The following CAMTA1 variants were observed in gnomAD, a reference collection of about 807,000 sequenced individuals.
CAMTA1 encodes the protein calmodulin binding transcription activator 1.
Under a neutral mutation model 170.9 loss-of-function variants are expected in CAMTA1, and 27 were observed. The ratio of observed to expected loss-of-function variants is 0.16; its 90% CI spans 0.12 to 0.22. CAMTA1 has a LOEUF of 0.22. CAMTA1 is among the 10% of genes least tolerant of loss of function. The pLI, the probability that CAMTA1 is intolerant of heterozygous loss-of-function variation, is 1.00. For synonymous variants in CAMTA1, 833 were observed against 891.5 expected (o/e 0.93, Z 1.17); for missense variants, 1,619 against 2,217.2 (o/e 0.73, Z 5.42).
In CAMTA1 at chr1:7,124,601, A is replaced by T. The variant is rs578255363; in HGVS notation, c.302+33230A>T. ...GGACTGATGTGCTGATCAATACTTT[A>T]TATTCCAGATGGGGGATGCCCAATG... is the stretch of plus-strand genomic sequence containing the variant. On this transcript the variant is annotated intron_variant, in intron 4 of 22. Coordinates refer to ENST00000303635, the MANE Select transcript of CAMTA1 (RefSeq NM_015215.4). 9.2e-5 allele frequency among the ~76,000 whole-genome samples: 14 copies of T among 152,318 alleles called. No homozygotes were observed. In the South Asian group the frequency reaches 2.9e-3, roughly 32 times the overall value.
At chr1:7,450,064 C>T (rs137897333) in intron 5 of CAMTA1, among the ~76,000 whole-genome samples, 1 of 152,254 alleles carries the variant, frequency 6.6e-6, no homozygotes, top group East Asian at 1.9e-4. Context: ...TGAAGCCCCA[C>T]CAGCCAGCCC....
chr1:7,210,630 T>C (rs1658586680), intron 4 of CAMTA1, among the ~76,000 whole-genome samples: 1 of 152,242 alleles, frequency 6.6e-6, no homozygotes. Context: ...TAGCATCCAT[T>C]GATAATTCTT....
intron 1 of CAMTA1, among the ~76,000 whole-genome samples, chr1:6,812,793 C>G (rs1206248480): frequency 6.6e-6 from 1 of 152,188 alleles, no homozygotes; most frequent in Non-Finnish European, 1.5e-5. Flanking sequence ...TCTGATTTCT[C>G]AGGCCATAAA....
chr1:6,916,236 C>A (rs1680756519), intron 3 of CAMTA1, among the ~76,000 whole-genome samples: 1 of 152,118 alleles, frequency 6.6e-6, no homozygotes, highest in African/African-American at 2.4e-5. Flanking sequence ...TCAGCTCCAC[C>A]ACCTGTCAGC....
chr1:7,605,676 G>A (rs1263033209), intron 6 of CAMTA1, among the ~76,000 whole-genome samples: 1 of 152,196 alleles, frequency 6.6e-6, no homozygotes, highest in African/African-American at 2.4e-5. Flanking sequence ...TGCTTGGTGT[G>A]CTGCGCCCAC....
Position 7,665,225 on chromosome 1 carries a change from T to G in CAMTA1, c.2652+26T>G. 7.0e-7 allele frequency: 1 copy of G among 1,428,090 alleles called. No individual in the cohort carries two copies. Among genetic ancestry groups the G allele is most frequent in the East Asian group, 2.5e-5 (1 of 40,364 alleles). The allele number at this position is 1,428,090 out of a possible 1,614,324, so 88.5% of individuals were successfully genotyped here. ...GTAAGCTGCCGCCGCTGCCACCACC[T>G]GTCACCTCCCCTCCCACCCACCTCG... is the stretch of plus-strand genomic sequence containing the variant. On this transcript the variant is annotated intron_variant, in intron 9 of 22. Coordinates refer to ENST00000303635, the MANE Select transcript of CAMTA1 (RefSeq NM_015215.4). The surrounding 1 kb of genome is among the most constrained non-coding windows in gnomAD (Gnocchi z 4.3).
intron 5 of CAMTA1, among the ~76,000 whole-genome samples, chr1:7,354,519 A>G (rs1027297001): frequency 1.3e-5 from 2 of 152,208 alleles, no homozygotes; most frequent in African/African-American, 4.8e-5. Flanking sequence ...GCTATTTTGC[A>G]TAATGCTGCA....
chr1:6,916,613 C>T (rs1302498449), intron 3 of CAMTA1, among the ~76,000 whole-genome samples: 2 of 152,138 alleles, frequency 1.3e-5, no homozygotes, highest in Non-Finnish European at 2.9e-5. Context: ...TTTCTTCTCT[C>T]CTACTTTCTC....
In CAMTA1 at chr1:6,970,944, A is replaced by C. The variant is rs1692417260; in HGVS notation, c.235-120360A>C. On this transcript the variant is annotated intron_variant, in intron 3 of 22. Coordinates refer to ENST00000303635, the MANE Select transcript of CAMTA1 (RefSeq NM_015215.4). The surrounding 1 kb of genome is among the most constrained non-coding windows in gnomAD (Gnocchi z 4.4). ...CTGTTTCCAGCCTCTCCTTTCCTAA[A>C]CCAGGCCGGCCCTGTCAGCCTGGCT... 6.6e-6 allele frequency among the ~76,000 whole-genome samples: 1 copy of C among 151,984 alleles called. No individual in the cohort carries two copies. The highest frequency in any genetic ancestry group is 6.6e-5 in the Admixed American group (1 of 15,266).
intron 6 of CAMTA1, among the ~76,000 whole-genome samples, chr1:7,502,899 C>T (rs972043503): frequency 2.6e-5 from 4 of 152,216 alleles, no homozygotes; most frequent in African/African-American, 9.6e-5. Flanking sequence ...CCCTGTGGCC[C>T]CTGCCCCGCA....
At chr1:7,342,624 T>C (rs1367229271) in intron 5 of CAMTA1, among the ~76,000 whole-genome samples, 4 of 152,050 alleles carry the variant, frequency 2.6e-5, no homozygotes, top group Non-Finnish European at 5.9e-5. Context: ...TCCTAGAACA[T>C]AGGGCTGGAG....
At position 7,094,631 on chromosome 1, in the gene CAMTA1, G is replaced by A. The variant is rs540544355; in HGVS notation, c.302+3260G>A. Among the ~76,000 whole-genome samples, 77 of 152,224 alleles carry A rather than the reference G, an allele frequency of 5.1e-4. 1 individual carries two copies. Among genetic ancestry groups the A allele is most frequent in the African/African-American group, 1.8e-3 (76 of 41,528 alleles). On this transcript the variant is annotated intron_variant, in intron 4 of 22. Transcript: ENST00000303635. ...GGGTTATAAATATAGTCCTTGCTCA[G>A]ATACTGCCCTAATTACAGAGAAGGC... is the stretch of plus-strand genomic sequence containing the variant.
rs899889142 is a variant in CAMTA1 at position 7,455,635 on chromosome 1, T to A, written c.439-12195T>A. On this transcript the variant is annotated intron_variant, in intron 5 of 22. Transcript: ENST00000303635. This position sits in a 1 kb window ranked among gnomAD's most constrained non-coding sequence, Gnocchi z 5.0. ...CCACATGCAGCCGCACATGTTGGAGTGTGCCGTGGATACCTACGTGGCGTC... is the reference window on the plus strand; with the variant it reads ...CCACATGCAGCCGCACATGTTGGAGAGTGCCGTGGATACCTACGTGGCGTC... Among the ~76,000 whole-genome samples, 2 of 152,144 alleles carry A rather than the reference T, an allele frequency of 1.3e-5. No individual in the cohort carries two copies. Among genetic ancestry groups the A allele is most frequent in the African/African-American group, 4.8e-5 (2 of 41,444 alleles).
intron 7 of CAMTA1, among the ~76,000 whole-genome samples, chr1:7,655,480 A>C (rs111203678): frequency 4.9e-4 from 5 of 10,134 alleles, no homozygotes; most frequent in African/African-American, 9.0e-4. Context: ...CACCTATACA[A>C]ACACACACCT....
intron 3 of CAMTA1, among the ~76,000 whole-genome samples, chr1:6,841,417 A>G (rs1319766526): frequency 6.6e-6 from 1 of 152,218 alleles, no homozygotes; most frequent in East Asian, 1.9e-4. Context: ...GAAGTTGGAT[A>G]AAATGAGGAC....
intron 6 of CAMTA1, among the ~76,000 whole-genome samples, chr1:7,470,266 T>C (rs900606362): frequency 6.6e-6 from 1 of 152,234 alleles, no homozygotes; most frequent in Non-Finnish European, 1.5e-5. Flanking sequence ...GCCAAAGCAA[T>C]TAGCACAATG....
intron 6 of CAMTA1, among the ~76,000 whole-genome samples, chr1:7,490,616 C>G (rs899939210): frequency 6.6e-6 from 1 of 151,852 alleles, no homozygotes; most frequent in African/African-American, 2.4e-5. Flanking sequence ...TGTGCCACTG[C>G]ACTCCAGCCT....
intron 1 of CAMTA1, chr1:6,807,105 AT>A (rs1557592301): frequency 3.4e-6 from 2 of 589,024 alleles, no homozygotes; most frequent in Admixed American, 2.6e-5. Context: ...GCAATATGTC[AT>A]AAAGGGATTT....
intron 4 of CAMTA1, among the ~76,000 whole-genome samples, chr1:7,118,530 A>G (rs903113280): frequency 6.6e-6 from 1 of 151,530 alleles, no homozygotes; most frequent in Admixed American, 6.6e-5. Context: ...ATCCCACAAG[A>G]GTGGGATGGC....
Sources: gnomAD v4.1 joint callset for allele counts (sites outside exome capture counted in the v4.1 genomes callset) on GRCh38, gnomAD v4.1.1 for gene constraint, Gnocchi (gnomAD v3.1) non-coding constraint, MANE v1.5 for transcripts, NCBI Gene and HGNC (gene_info 2026-07-23, HGNC 2026-07-21) for gene names.